Variants in FMN2 observed in about 807,000 individuals in gnomAD.
The protein encoded by FMN2 is formin-2.
FMN2 carries 51 observed loss-of-function variants against 142.3 expected under a neutral mutation model. That is an observed-to-expected ratio of 0.36 (90% confidence interval 0.29 to 0.45). The LOEUF is 0.45. Among genes scored for constraint, FMN2 ranks in the 20% least tolerant of loss-of-function variants. FMN2 has a pLI of 1.00. For missense variants in FMN2, 1,936 were observed against 2,122.8 expected (o/e 0.91, Z 1.73); for synonymous variants, 882 against 869.8 (o/e 1.01, Z -0.25).
chr1:240,388,877 A>AAG (rs1491200861), intron 14 of FMN2, among the ~76,000 whole-genome samples: 43 of 135,824 alleles, frequency 3.2e-4, no homozygotes, highest in Admixed American at 8.8e-4. Context: ...AAAAAAAAAA[A>AAG]GGGGGGGGGT....
chr1:240,136,501 A>G (rs982417612), intron 2 of FMN2, among the ~76,000 whole-genome samples: 1 of 152,140 alleles, frequency 6.6e-6, no homozygotes, highest in Admixed American at 6.5e-5. Context: ...TTCCTCCTTT[A>G]AGAGGATTAT....
intron 8 of FMN2, among the ~76,000 whole-genome samples, chr1:240,305,950 A>AGTTTTTTTTTT (rs1670374893): frequency 1.5e-5 from 2 of 135,982 alleles, no homozygotes; most frequent in African/African-American, 2.7e-5. Context: ...TATGCTTGTA[A>AGTTTTTTTTTT]GTTTTTTTTT....
At position 240,207,376 on chromosome 1, in the gene FMN2, T is replaced by A; in HGVS notation, c.2564T>A (p.Ile855Asn). Residue 855 changes from isoleucine (I) to asparagine (N), a missense_variant, in exon 5 of 18, where the codon ATC becomes AAC. Physicochemically the swap from Ile to Asn is moderately radical, Grantham distance 149. Transcript: ENST00000319653. ...VSSAFKNSCN[I>N]PSPPPLPCTE... Reference sequence around the variant, plus strand: ...TCTGCCTTTAAAAACAGCTGTAACATCCCATCTCCACCACCTCTGCCTTGC... The same window carrying A: ...TCTGCCTTTAAAAACAGCTGTAACAACCCATCTCCACCACCTCTGCCTTGC... 2 of 1,613,594 alleles carry A rather than the reference T, an allele frequency of 1.2e-6. No homozygotes were observed. The highest frequency in any genetic ancestry group is 8.5e-7 in the Non-Finnish European group (1 of 1,179,828).
intron 2 of FMN2, chr1:240,143,080 C>A: frequency 1.3e-6 from 2 of 1,519,384 alleles, no homozygotes; most frequent in Non-Finnish European, 9.1e-7. Flanking sequence ...GTACCCTTCC[C>A]TAAATGTGTC....
intron 7 of FMN2, among the ~76,000 whole-genome samples, chr1:240,275,639 T>C (rs1015423862): frequency 1.3e-5 from 2 of 152,198 alleles, no homozygotes; most frequent in Non-Finnish European, 2.9e-5. Flanking sequence ...ATGGTATTTC[T>C]GGTTCTGGGT....
At chr1:240,114,656 C>G (rs10926127) in intron 1 of FMN2, among the ~76,000 whole-genome samples, 45,947 of 137,474 alleles carry the variant, frequency 0.33, 8,591 homozygotes, top group Non-Finnish European at 0.44. Flanking sequence ...TATATCATTT[C>G]TTTTTTTTTT....
chr1:240,252,221 T>A (rs939983803), intron 6 of FMN2, among the ~76,000 whole-genome samples: 1 of 152,182 alleles, frequency 6.6e-6, no homozygotes, highest in East Asian at 1.9e-4. Context: ...CTTAACTGAT[T>A]TCTGATTGCT....
chr1:240,471,365 C>CT (rs201223518), intron 16 of FMN2, among the ~76,000 whole-genome samples: 46,270 of 143,184 alleles, frequency 0.32, 8,163 homozygotes, highest in South Asian at 0.43. Context: ...TGTAAATTTT[C>CT]TTTTTTTTTT....
At chr1:240,438,945 C>T (rs555426783) in intron 16 of FMN2, among the ~76,000 whole-genome samples, 1 of 152,262 alleles carries the variant, frequency 6.6e-6, no homozygotes, top group East Asian at 1.9e-4. Flanking sequence ...CCTAACATCA[C>T]TAACAGTAAC....
chr1:240,328,167 A>AAAAAAAAAAAAAAAAAAAAG (rs1558435720), intron 8 of FMN2, among the ~76,000 whole-genome samples: 6 of 141,162 alleles, frequency 4.3e-5, no homozygotes, highest in Non-Finnish European at 7.7e-5. Flanking sequence ...AAAAAAAAAA[A>AAAAAAAAAAAAAAAAAAAAG]AAAAAGAAAA....
intron 16 of FMN2, chr1:240,472,093 A>C: frequency 3.4e-6 from 1 of 297,954 alleles, no homozygotes; most frequent in Non-Finnish European, 6.1e-6. Flanking sequence ...TATAGGATGA[A>C]ATGCATACAC....
chr1:240,276,971 C>G (rs1489046721), intron 7 of FMN2, among the ~76,000 whole-genome samples: 2 of 152,128 alleles, frequency 1.3e-5, no homozygotes, highest in Non-Finnish European at 2.9e-5. Context: ...TGTTTTAAAT[C>G]AGGAAGTTGT....
chr1:240,280,590 T>G (rs1221803678), intron 7 of FMN2, among the ~76,000 whole-genome samples: 1 of 152,166 alleles, frequency 6.6e-6, no homozygotes, highest in Non-Finnish European at 1.5e-5. Context: ...CATAAATGTT[T>G]ACCTAAGCAA....
intron 15 of FMN2, among the ~76,000 whole-genome samples, chr1:240,433,226 C>T (rs1266286969): frequency 1.3e-5 from 2 of 152,062 alleles, no homozygotes; most frequent in Non-Finnish European, 2.9e-5. Context: ...TGGTTATGTT[C>T]TTTGTCTTGG....
intron 14 of FMN2, among the ~76,000 whole-genome samples, chr1:240,374,545 T>G (rs774316230): frequency 2.6e-5 from 4 of 152,206 alleles, no homozygotes; most frequent in Non-Finnish European, 4.4e-5. Context: ...AGACAGATTC[T>G]TTCTTTAAAT....
intron 6 of FMN2, among the ~76,000 whole-genome samples, chr1:240,257,298 G>A (rs560767833): frequency 4.1e-4 from 62 of 152,308 alleles, no homozygotes; most frequent in Non-Finnish European, 7.6e-4. Context: ...CCAGACTTGA[G>A]ATTGTGCTGA....
intron 2 of FMN2, chr1:240,170,617 A>C: frequency 6.4e-7 from 1 of 1,574,666 alleles, no homozygotes; most frequent in Non-Finnish European, 8.7e-7. Context: ...TTCTGAATGC[A>C]CAGTTGTGGC....
rs756841079 is a variant in FMN2 at position 240,207,753 on chromosome 1, C to G, written c.2941C>G (p.Leu981Val). Residue 981 changes from leucine (L) to valine (V), a missense_variant, in exon 5 of 18, where the codon CTA becomes GTA. This residue lies in a region of FMN2 where 63 missense variants were observed against 86.3 expected (regional missense o/e 0.73). Transcript: ENST00000319653. ...PGAGIPPPPP[L>V]PGAGIPPPPP... ...AGCAGGAATACCTCCTCCACCCCCT[C>G]TACCCGGAGCGGGCATACCCCCTCC... The G allele has an allele frequency of 6.6e-7, 1 of 1,506,648 alleles. No individual in the cohort carries two copies. The highest frequency in any genetic ancestry group is 9.1e-7 in the Non-Finnish European group (1 of 1,099,634). The allele number at this position is 1,506,648 out of a possible 1,614,324, so 93.3% of individuals were successfully genotyped here.
intron 8 of FMN2, 85 bp from the exon 9 acceptor site, chr1:240,328,991 G>A (rs1039439707): frequency 8.3e-7 from 1 of 1,201,670 alleles, no homozygotes; most frequent in South Asian, 1.4e-5. Context: ...ATTCAGATCA[G>A]CAAATTTATC....
Sources: allele counts gnomAD v4.1 joint callset (sites outside exome capture counted in the v4.1 genomes callset), GRCh38; gene constraint gnomAD v4.1.1; regional missense constraint gnomAD v4.1.1; transcripts MANE v1.5; gene names NCBI Gene and HGNC (gene_info 2026-07-23, HGNC 2026-07-21).